The following CNTNAP5 variants were observed in gnomAD, a reference collection of about 807,000 sequenced individuals.
CNTNAP5 encodes contactin-associated protein-like 5.
Under a neutral mutation model 150.2 loss-of-function variants are expected in CNTNAP5, and 72 were observed. That is an observed-to-expected ratio of 0.48 (90% CI 0.40 to 0.58). CNTNAP5 has a LOEUF of 0.58. CNTNAP5 is among the 20% of genes least tolerant of loss of function. The pLI is 0.00. For missense variants in CNTNAP5, 1,636 were observed against 1,626.2 expected, an observed-to-expected ratio of 1.01 and a Z score of -0.10; for synonymous variants, 672 against 619.8, an observed-to-expected ratio of 1.08 and a Z score of -1.25.
At chr2:124,800,908 C>T (rs1323592759) in intron 19 of CNTNAP5, among the ~76,000 whole-genome samples, 1 of 152,028 alleles carries the variant, frequency 6.6e-6, no homozygotes, top group Non-Finnish European at 1.5e-5. Flanking sequence ...AGAACATGCG[C>T]CCAAGGTGGT....
At chr2:124,850,446 C>T (rs543125076) in intron 19 of CNTNAP5, among the ~76,000 whole-genome samples, 3 of 152,138 alleles carry the variant, frequency 2.0e-5, no homozygotes, top group African/African-American at 7.2e-5. Context: ...GAGCAATGCA[C>T]ACCAAAGAAC....
At chr2:124,527,263 A>G (rs1694991293) in intron 9 of CNTNAP5, 22 bp from the exon 10 acceptor site, 1 of 1,603,668 alleles carries the variant, frequency 6.2e-7, no homozygotes, top group South Asian at 1.1e-5. Context: ...ATTCTTCTTC[A>G]TCTTTTTTCT....
chr2:124,513,864 C>A (rs989265400), intron 8 of CNTNAP5, among the ~76,000 whole-genome samples: 3 of 152,142 alleles, frequency 2.0e-5, no homozygotes, highest in African/African-American at 7.2e-5. Flanking sequence ...AGGCTACGGC[C>A]CTGCAGTTAA....
chr2:124,916,754 G>T lies in CNTNAP5; in HGVS notation c.*2466G>T, dbSNP rs375830349. On this transcript the variant is annotated 3_prime_UTR_variant, in exon 24 of 24. Transcript: ENST00000682447. ...AAATCAACTGGCATCTTCCTCACGT[G>T]TGTAGACTCCATGCACACTACATAC... is the stretch of plus-strand genomic sequence containing the variant. 1.8e-4 allele frequency among the ~76,000 whole-genome samples: 27 copies of T among 152,142 alleles called. No homozygotes were observed. Among genetic ancestry groups the T allele is most frequent in the African/African-American group, 6.3e-4 (26 of 41,532 alleles).
chr2:124,547,798 G>A (rs1695547515), intron 10 of CNTNAP5, among the ~76,000 whole-genome samples: 1 of 152,192 alleles, frequency 6.6e-6, no homozygotes, highest in African/African-American at 2.4e-5. Context: ...GCCACGGGAG[G>A]AAGTGGGGAT....
intron 1 of CNTNAP5, among the ~76,000 whole-genome samples, chr2:124,198,186 T>C (rs1685636653): frequency 1.5e-5 from 2 of 133,802 alleles, no homozygotes; most frequent in Non-Finnish European, 3.3e-5. Context: ...CATTTGAGTT[T>C]CTTTTTTTTA....
At chr2:124,271,582 A>G (rs1319092309) in intron 3 of CNTNAP5, among the ~76,000 whole-genome samples, 1 of 152,128 alleles carries the variant, frequency 6.6e-6, no homozygotes, top group African/African-American at 2.4e-5. Context: ...CTGAAGTTAT[A>G]CTTCTTAGGT....
intron 1 of CNTNAP5, among the ~76,000 whole-genome samples, chr2:124,127,903 A>G (rs566981528): frequency 6.6e-6 from 1 of 152,198 alleles, no homozygotes; most frequent in Non-Finnish European, 1.5e-5. Flanking sequence ...TTATACAAAA[A>G]TTAATTCAAG....
At chr2:124,820,613 G>GT (rs142805221) in intron 19 of CNTNAP5, among the ~76,000 whole-genome samples, 7,655 of 152,202 alleles carry the variant, frequency 0.05, 619 homozygotes, top group African/African-American at 0.17. Flanking sequence ...TGGAGTTCTT[G>GT]TATCAGTGGA....
chr2:124,911,671 C>CT (rs1678658201), intron 23 of CNTNAP5, 133 bp downstream of exon 23: 2 of 708,620 alleles, frequency 2.8e-6, no homozygotes, highest in African/African-American at 3.5e-5. Context: ...AGACTGTGGG[C>CT]TTTTCATGAG....
At chr2:124,539,783 G>A (rs778429734) in intron 10 of CNTNAP5, among the ~76,000 whole-genome samples, 3 of 152,140 alleles carry the variant, frequency 2.0e-5, no homozygotes, top group Non-Finnish European at 4.4e-5. Context: ...GGCAGAAAAC[G>A]ATGACATTTC....
chr2:124,142,014 A>G (rs1235281143), intron 1 of CNTNAP5, among the ~76,000 whole-genome samples: 2 of 147,526 alleles, frequency 1.4e-5, no homozygotes, highest in African/African-American at 5.1e-5. Context: ...AATAGACTTT[A>G]AACCAACAAA....
intron 1 of CNTNAP5, among the ~76,000 whole-genome samples, chr2:124,103,667 A>G (rs1293422192): frequency 6.6e-6 from 1 of 152,022 alleles, no homozygotes; most frequent in Admixed American, 6.6e-5. Context: ...CATAAAGCCT[A>G]GGTCTGTAGT....
At chr2:124,687,539 CT>C (rs1378928331) in intron 13 of CNTNAP5, among the ~76,000 whole-genome samples, 8 of 151,968 alleles carry the variant, frequency 5.3e-5, no homozygotes, top group African/African-American at 1.7e-4. Flanking sequence ...TTTTTCTTAA[CT>C]TCCTCTCTTG....
chr2:124,180,800 G>T (rs1049315682), intron 1 of CNTNAP5, among the ~76,000 whole-genome samples: 17 of 129,182 alleles, frequency 1.3e-4, no homozygotes, highest in African/African-American at 5.2e-4. Context: ...AATAATTCAA[G>T]CTCTGCTGTG....
At chr2:124,448,452 T>C (rs1000089532) in intron 6 of CNTNAP5, among the ~76,000 whole-genome samples, 1 of 152,134 alleles carries the variant, frequency 6.6e-6, no homozygotes, top group African/African-American at 2.4e-5. Context: ...GGGGATACTG[T>C]AGGTTGGGCT....
intron 7 of CNTNAP5, among the ~76,000 whole-genome samples, chr2:124,502,404 G>A (rs1694298351): frequency 6.6e-6 from 1 of 152,142 alleles, no homozygotes; most frequent in Non-Finnish European, 1.5e-5. Context: ...CTCAGAAGAG[G>A]GCTTGGGTGA....
At chr2:124,556,307 C>T (rs558417946) in intron 10 of CNTNAP5, among the ~76,000 whole-genome samples, 1 of 152,234 alleles carries the variant, frequency 6.6e-6, no homozygotes, top group East Asian at 1.9e-4. Flanking sequence ...ACCATTAAAG[C>T]AACATCCCAG....
intron 3 of CNTNAP5, among the ~76,000 whole-genome samples, chr2:124,278,822 C>G (rs1687948287): frequency 6.6e-6 from 1 of 152,100 alleles, no homozygotes; most frequent in South Asian, 2.1e-4. Context: ...TTATTCTTTT[C>G]TCATATTTTC....
Sources: allele counts gnomAD v4.1 joint callset (sites outside exome capture counted in the v4.1 genomes callset), GRCh38; gene constraint gnomAD v4.1.1; transcripts MANE v1.5; gene names NCBI Gene and HGNC (gene_info 2026-07-23, HGNC 2026-07-21).